The following AMZ2 variants were observed in gnomAD, a reference collection of about 807,000 sequenced individuals.
The protein encoded by AMZ2 is archaemetzincin-2.
A neutral mutation model predicts 36.7 loss-of-function variants in AMZ2; 26 were observed. The ratio of observed to expected loss-of-function variants is 0.71; its 90% CI spans 0.52 to 0.98. The LOEUF (loss-of-function observed/expected upper bound fraction) is 0.98. AMZ2 is among the 50% of genes least tolerant of loss of function. The pLI is 0.00. For synonymous variants in AMZ2, 144 were observed against 149.1 expected (o/e 0.97, Z 0.25); for missense variants, 394 against 430.5 (o/e 0.92, Z 0.75).
At chr17:68,226,331 G>C (rs1194806613) in intron 1 of AMZ2, among the ~76,000 whole-genome samples, 1 of 152,234 alleles carries the variant, frequency 6.6e-6, no homozygotes, top group Non-Finnish European at 1.5e-5. Flanking sequence ...AACGTGGTTA[G>C]AATGGAGAAC....
intron 1 of AMZ2, among the ~76,000 whole-genome samples, chr17:68,226,743 G>A (rs1372215277): frequency 1.3e-4 from 20 of 152,176 alleles, no homozygotes; most frequent in African/African-American, 4.6e-4. Context: ...TCAATAGCAA[G>A]GATCATGTGA....
upstream of AMZ2, chr17:68,246,979 G>C (rs1349055164): frequency 1.3e-5 from 2 of 152,120 alleles, no homozygotes; most frequent in South Asian, 4.2e-4. Flanking sequence ...GGGTGCGGGG[G>C]GGTGGATCAC....
Position 68,235,560 on chromosome 17 carries a change from C to T in AMZ2, c.-66-13080C>T, listed in dbSNP as rs1382325748. On this transcript the variant is annotated intron_variant, in intron 1 of 7. Transcript: ENST00000674770. This position sits in a 1 kb window ranked among gnomAD's most constrained non-coding sequence, Gnocchi z 4.2. ...ACACTGCAAAGTAGGTTGGCTTCCC[C>T]CTTACGGAGCCCCTATCCGGGACAG... Among the ~76,000 whole-genome samples, 2 of 152,112 alleles carry T rather than the reference C, an allele frequency of 1.3e-5. No homozygotes were observed. The highest frequency in any genetic ancestry group is 1.5e-5 in the Non-Finnish European group (1 of 68,024).
At chr17:68,211,474 G>C (rs1351657979) in intron 1 of AMZ2, among the ~76,000 whole-genome samples, 4 of 149,188 alleles carry the variant, frequency 2.7e-5, no homozygotes, top group Non-Finnish European at 5.9e-5. Flanking sequence ...CTGCACTCCA[G>C]CCTGGGCAAC....
chr17:68,216,766 C>A (rs575699185), intron 1 of AMZ2, among the ~76,000 whole-genome samples: 1 of 152,118 alleles, frequency 6.6e-6, no homozygotes, highest in South Asian at 2.1e-4. Flanking sequence ...CACGGTGGCT[C>A]ACGCCTGTAA....
rs2074198917 is a variant in AMZ2 at position 68,248,616 on chromosome 17, T to G, written c.-90T>G. 1 of 985,900 alleles carries G rather than the reference T, an allele frequency of 1.0e-6. No homozygotes were observed. The highest frequency in any genetic ancestry group is 1.2e-6 in the Non-Finnish European group (1 of 829,992). 61.1% of individuals were successfully genotyped at this position (985,900 alleles called of 1,614,324 possible). A position where few individuals can be genotyped will look rare whatever the true frequency, so the allele number is the denominator to read the frequency against. ...CTGCCTTTTTAATATTAAGATGAAGTCACACTCCACAACTTTCTTCCAGCC... is the reference window on the plus strand; with the variant it reads ...CTGCCTTTTTAATATTAAGATGAAGGCACACTCCACAACTTTCTTCCAGCC... On this transcript the variant is annotated 5_prime_UTR_variant, in exon 1 of 7. Coordinates refer to ENST00000359904, the MANE Select transcript of AMZ2 (RefSeq NM_016627.5).
At chr17:68,231,190 A>G (rs1433222198) in intron 1 of AMZ2, among the ~76,000 whole-genome samples, 2 of 151,848 alleles carry the variant, frequency 1.3e-5, no homozygotes, top group Non-Finnish European at 2.9e-5. Flanking sequence ...CAGCCTCCCG[A>G]GTAGCTGGTA....
chr17:68,209,630 A>ATTTTTTTTTTTTTTTT (rs1339157573), intron 1 of AMZ2, among the ~76,000 whole-genome samples: 1 of 98,484 alleles, frequency 1.0e-5, no homozygotes, highest in Admixed American at 1.1e-4. Context: ...ATATATATAT[A>ATTTTTTTTTTTTTTTT]TATTTTTTTT....
rs1202366921 is a variant in AMZ2, at chr17:68,235,496, G to A, written c.-66-13144G>A. On this transcript the variant is annotated intron_variant, in intron 1 of 7. Coordinates refer to the AMZ2 transcript ENST00000674770. This position sits in a 1 kb window ranked among gnomAD's most constrained non-coding sequence, Gnocchi z 4.2. ...CCCAAGTCCACAGACCGTGGAGTTC[G>A]CGCCCTCTCACTGTGGCACACGGGC... 1.3e-5 allele frequency among the ~76,000 whole-genome samples: 2 copies of A among 152,146 alleles called. No individual in the cohort carries two copies. The highest frequency in any genetic ancestry group is 1.5e-5 in the Non-Finnish European group (1 of 68,038).
At chr17:68,253,923 T>A (rs1483853873) in intron 4 of AMZ2, among the ~76,000 whole-genome samples, 7 of 152,030 alleles carry the variant, frequency 4.6e-5, no homozygotes, top group African/African-American at 1.7e-4. Flanking sequence ...TGGCTAATTT[T>A]TTTTAGAGAC....
At chr17:68,209,630 A>ATTTTTTTTTTTTTTTTTTT (rs1339157573) in intron 1 of AMZ2, among the ~76,000 whole-genome samples, 5 of 98,462 alleles carry the variant, frequency 5.1e-5, no homozygotes, top group African/African-American at 2.4e-4. Context: ...ATATATATAT[A>ATTTTTTTTTTTTTTTTTTT]TATTTTTTTT....
chr17:68,211,540 A>C (rs782796262), intron 1 of AMZ2, among the ~76,000 whole-genome samples: 2 of 151,082 alleles, frequency 1.3e-5, no homozygotes, highest in Non-Finnish European at 2.9e-5. Context: ...GGAATTAAAT[A>C]GTGGTGATGG....
At chr17:68,218,603 G>T (rs2073263766) in intron 1 of AMZ2, among the ~76,000 whole-genome samples, 1 of 152,142 alleles carries the variant, frequency 6.6e-6, no homozygotes, top group Non-Finnish European at 1.5e-5. Context: ...CCACATGTGA[G>T]CTTATTGACT....
intron 4 of AMZ2, among the ~76,000 whole-genome samples, chr17:68,252,608 A>G (rs2074567867): frequency 1.3e-5 from 2 of 152,086 alleles, no homozygotes; most frequent in African/African-American, 4.8e-5. Flanking sequence ...GGCTAAAGGG[A>G]TCATCCTGCC....
At chr17:68,216,188 C>T (rs2073188731) in intron 1 of AMZ2, among the ~76,000 whole-genome samples, 2 of 152,284 alleles carry the variant, frequency 1.3e-5, no homozygotes, top group South Asian at 2.1e-4. Context: ...GGCTAGAGTG[C>T]AGTGGCATGA....
Position 68,250,279 on chromosome 17 carries a change from C to T in AMZ2, c.92C>T (p.Ala31Val). The change falls in exon 2 of 7, where the codon GCT becomes GTT. Residue 31 changes from alanine to valine, a missense_variant. Transcript: ENST00000359904. ...GTATCACAGTATGAGAAATTAAATGCTGGGGAACAACGTTTAATGAATGAA... is the reference window on the plus strand; with the variant it reads ...GTATCACAGTATGAGAAATTAAATGTTGGGGAACAACGTTTAATGAATGAA... ...VLVSQYEKLN[A>V]GEQRLMNEAF... 6.2e-7 allele frequency: 1 copy of T among 1,614,132 alleles called. No individual in the cohort carries two copies. The highest frequency in any genetic ancestry group is 1.1e-5 in the South Asian group (1 of 91,080).
chr17:68,215,852 C>A (rs1190865473), intron 1 of AMZ2, among the ~76,000 whole-genome samples: 5 of 151,518 alleles, frequency 3.3e-5, no homozygotes, highest in South Asian at 2.1e-4. Flanking sequence ...TCTTTCTTTC[C>A]CTGTGCTGCC....
chr17:68,231,211 G>A (rs1399996000), intron 1 of AMZ2, among the ~76,000 whole-genome samples: 1 of 151,976 alleles, frequency 6.6e-6, no homozygotes, highest in East Asian at 1.9e-4. Flanking sequence ...CTACAGGAAT[G>A]TGCCACCACG....
At chr17:68,208,725 C>A (rs1185574097) in intron 1 of AMZ2, among the ~76,000 whole-genome samples, 1 of 152,166 alleles carries the variant, frequency 6.6e-6, no homozygotes, top group Non-Finnish European at 1.5e-5. Flanking sequence ...TAATACTCAC[C>A]GCGACGGTCT....
Sources: gnomAD v4.1 joint callset for allele counts (sites outside exome capture counted in the v4.1 genomes callset) on GRCh38, gnomAD v4.1.1 for gene constraint, Gnocchi (gnomAD v3.1) non-coding constraint, MANE v1.5 for transcripts, NCBI Gene and HGNC (gene_info 2026-07-23, HGNC 2026-07-21) for gene names.